The following ANO3 variants were observed in gnomAD, a reference collection of about 807,000 sequenced individuals.
ANO3 encodes anoctamin-3.
Under a neutral mutation model 144.8 loss-of-function variants are expected in ANO3, and 99 were observed. That is an observed-to-expected ratio of 0.68 (90% confidence interval 0.58 to 0.81). The LOEUF (loss-of-function observed/expected upper bound fraction) is 0.81. Among genes scored for constraint, ANO3 ranks in the 30% least tolerant of loss-of-function variants. The pLI, the probability that ANO3 is intolerant of heterozygous loss-of-function variation, is 0.00. For synonymous variants in ANO3, 414 were observed against 392.6 expected, an observed-to-expected ratio of 1.05 and a Z score of -0.64; for missense variants, 905 against 1,202.2, an observed-to-expected ratio of 0.75 and a Z score of 3.66.
chr11:26,232,163 T>C (rs1852414166), intron 1 of ANO3, among the ~76,000 whole-genome samples: 1 of 152,166 alleles, frequency 6.6e-6, no homozygotes, highest in South Asian at 2.1e-4. Flanking sequence ...TCGTTGTATT[T>C]AGCACAAGAT....
intron 1 of ANO3, among the ~76,000 whole-genome samples, chr11:26,206,257 C>T (rs1294034843): frequency 6.6e-6 from 1 of 152,120 alleles, no homozygotes; most frequent in Non-Finnish European, 1.5e-5. Context: ...TTACCTTTCC[C>T]TGATCTCCAA....
At chr11:26,424,156 C>T (rs1156679989) in intron 1 of ANO3, among the ~76,000 whole-genome samples, 1 of 144,766 alleles carries the variant, frequency 6.9e-6, no homozygotes, top group East Asian at 2.0e-4. Context: ...ACTTACTACA[C>T]TGCAAATAGA....
intron 18 of ANO3, among the ~76,000 whole-genome samples, chr11:26,631,415 T>A (rs7127915): frequency 0.14 from 20,954 of 152,030 alleles, 1,900 homozygotes; most frequent in African/African-American, 0.26. Context: ...ATAGTGAGAA[T>A]CATGATCAAT....
At chr11:26,345,315 G>A (rs907572467) in intron 1 of ANO3, among the ~76,000 whole-genome samples, 1 of 152,224 alleles carries the variant, frequency 6.6e-6, no homozygotes, top group African/African-American at 2.4e-5. Context: ...AGCACTTTGA[G>A]AGGCTGAAGC....
intron 4 of ANO3, among the ~76,000 whole-genome samples, chr11:26,472,006 C>A (rs1284891747): frequency 1.3e-5 from 2 of 151,758 alleles, no homozygotes; most frequent in Non-Finnish European, 2.9e-5. Flanking sequence ...AATAACTTCT[C>A]TGCAAAAAAA....
chr11:26,496,349 T>C (rs930482217), intron 4 of ANO3, among the ~76,000 whole-genome samples: 2 of 152,314 alleles, frequency 1.3e-5, no homozygotes, highest in East Asian at 3.9e-4. Context: ...CGTTCACCAG[T>C]GTATCCCTGG....
upstream of ANO3, chr11:26,331,913 A>T: frequency 3.6e-6 from 1 of 279,868 alleles, no homozygotes; most frequent in Non-Finnish European, 6.7e-6. Context: ...AGAGGGCATC[A>T]GTATCAGCTC....
chr11:26,516,817 T>C lies in ANO3; in HGVS notation c.592-10T>C, dbSNP rs772279853. 8.1e-5 allele frequency: 128 copies of C among 1,589,964 alleles called. No individual in the cohort carries two copies. Among genetic ancestry groups the C allele is most frequent in the Non-Finnish European group, 1.1e-4 (126 of 1,160,526 alleles). On this transcript the variant is annotated splice_polypyrimidine_tract_variant and intron_variant, in intron 5 of 26. Coordinates refer to ENST00000256737, the MANE Select transcript of ANO3 (RefSeq NM_031418.4). ...CTAAATAATGTTGCCTATCTTACTA[T>C]CATTTGCAGCCAGCTATTGCAAGCC...
At chr11:26,643,681 G>C (rs533351779) in intron 23 of ANO3, among the ~76,000 whole-genome samples, 13 of 152,090 alleles carry the variant, frequency 8.5e-5, no homozygotes, top group African/African-American at 3.1e-4. Flanking sequence ...TTTGAACACG[G>C]GAGGCAGAGG....
At chr11:26,624,613 A>C (rs926668667) in intron 18 of ANO3, 115 bp downstream of exon 18, 4 of 755,420 alleles carry the variant, frequency 5.3e-6, no homozygotes, top group African/African-American at 1.7e-5. Context: ...TTAAGTATTT[A>C]CCAATTAAAA....
intron 14 of ANO3, among the ~76,000 whole-genome samples, chr11:26,586,354 C>CTTTTT (rs143903766): frequency 8.0e-6 from 1 of 125,676 alleles, no homozygotes; most frequent in African/African-American, 3.0e-5. Flanking sequence ...CTCCTGTATT[C>CTTTTT]TTTTTTTTTT....
intron 1 of ANO3, among the ~76,000 whole-genome samples, chr11:26,426,455 T>C (rs1266945741): frequency 2.0e-5 from 3 of 152,110 alleles, no homozygotes; most frequent in African/African-American, 7.2e-5. Flanking sequence ...TATTTGTACA[T>C]TGAAGTATTT....
At chr11:26,564,783 A>ATATATG (rs1850497774) in intron 14 of ANO3, among the ~76,000 whole-genome samples, 1 of 100,696 alleles carries the variant, frequency 9.9e-6, no homozygotes, top group East Asian at 3.2e-4. Flanking sequence ...ATATATATAT[A>ATATATG]TAAGTTCAGT....
At chr11:26,463,293 A>C (rs368377065) in intron 4 of ANO3, 145 bp downstream of exon 4, 1 of 453,168 alleles carries the variant, frequency 2.2e-6, no homozygotes, top group South Asian at 5.1e-5. Context: ...CAGAAGCAAA[A>C]AGTTGTATAT....
At chr11:26,321,185 T>C (rs1289520890) in intron 1 of ANO3, among the ~76,000 whole-genome samples, 1 of 152,124 alleles carries the variant, frequency 6.6e-6, no homozygotes, top group African/African-American at 2.4e-5. Context: ...CATGCTTCTA[T>C]TTCCCTCCTA....
chr11:26,283,808 G>T (rs1000537945), intron 1 of ANO3, among the ~76,000 whole-genome samples: 4 of 152,102 alleles, frequency 2.6e-5, no homozygotes, highest in African/African-American at 9.7e-5. Flanking sequence ...ACATATAACT[G>T]CAAATTGTAA....
intron 1 of ANO3, among the ~76,000 whole-genome samples, chr11:26,255,483 T>G (rs557468301): frequency 6.6e-6 from 1 of 152,136 alleles, no homozygotes; most frequent in Non-Finnish European, 1.5e-5. Flanking sequence ...ACGTGAGAAA[T>G]CTTAGTACTC....
intron 14 of ANO3, among the ~76,000 whole-genome samples, chr11:26,589,490 G>GT (rs201687640): frequency 2.7e-5 from 4 of 150,422 alleles, no homozygotes; most frequent in Middle Eastern, 3.4e-3. Context: ...CAATTCAATG[G>GT]GTTTTTTGCA....
At chr11:26,354,814 T>C (rs1358578024) in intron 1 of ANO3, among the ~76,000 whole-genome samples, 6 of 152,160 alleles carry the variant, frequency 3.9e-5, no homozygotes, top group Non-Finnish European at 8.8e-5. Flanking sequence ...TAAAATTGTT[T>C]AATGTATAGT....
Sources: gnomAD v4.1 joint callset for allele counts (sites outside exome capture counted in the v4.1 genomes callset) on GRCh38, gnomAD v4.1.1 for gene constraint, MANE v1.5 for transcripts, NCBI Gene and HGNC (gene_info 2026-07-23, HGNC 2026-07-21) for gene names.